KREMEN1: variants seen among roughly 807,000 people sequenced by gnomAD.
KREMEN1 encodes kremen protein 1.
A neutral mutation model predicts 46.5 loss-of-function variants in KREMEN1; 30 were observed. That is an observed-to-expected ratio of 0.65 (90% CI 0.48 to 0.88). The LOEUF is 0.88. KREMEN1 is among the 40% of genes least tolerant of loss of function. KREMEN1 has a pLI of 0.00. For synonymous variants in KREMEN1, 214 were observed against 230.6 expected, an observed-to-expected ratio of 0.93 and a Z score of 0.65; for missense variants, 533 against 596.9, an observed-to-expected ratio of 0.89 and a Z score of 1.11.
At position 29,142,285 on chromosome 22, in the gene KREMEN1, G is replaced by T. The variant is rs1221765100; in HGVS notation, c.*173G>T. 7.5e-7 allele frequency: 1 copy of T among 1,325,424 alleles called. No homozygotes were observed. The highest frequency in any genetic ancestry group is 9.6e-7 in the Non-Finnish European group (1 of 1,042,838). 82.1% of individuals were successfully genotyped at this position (1,325,424 alleles called of 1,614,324 possible). On this transcript the variant is annotated 3_prime_UTR_variant, in exon 9 of 9. Coordinates refer to ENST00000400335, the MANE Select transcript of KREMEN1 (RefSeq NM_001039570.3). The stretch of plus-strand genomic sequence containing the variant: ...GAAGAGGCACCCTGCTGCCAGGGCA[G>T]GCAGAGCCTGGATTCCTCCTGCTTC...
intron 9 of KREMEN1, among the ~76,000 whole-genome samples, chr22:29,159,041 A>G (rs1389554952): frequency 1.3e-5 from 2 of 151,804 alleles, no homozygotes; most frequent in Non-Finnish European, 2.9e-5. Context: ...GCTGGTCTCG[A>G]ACTCCTGACC....
intron 8 of KREMEN1, among the ~76,000 whole-genome samples, chr22:29,141,593 T>C (rs1444248179): frequency 6.6e-6 from 1 of 152,214 alleles, no homozygotes; most frequent in African/African-American, 2.4e-5. Flanking sequence ...TTGTTTTAGC[T>C]AGGTGGGCTT....
At chr22:29,123,990 G>A (rs1211924858) in intron 4 of KREMEN1, among the ~76,000 whole-genome samples, 1 of 151,988 alleles carries the variant, frequency 6.6e-6, no homozygotes, top group Non-Finnish European at 1.5e-5. Context: ...GATCTAGAAT[G>A]GTAGTCATTC....
intron 3 of KREMEN1, among the ~76,000 whole-genome samples, chr22:29,117,500 G>A (rs948295606): frequency 1.3e-5 from 2 of 151,774 alleles, no homozygotes; most frequent in Non-Finnish European, 2.9e-5. Flanking sequence ...CCGGGAGGCG[G>A]AGCTTGCAGT....
intron 3 of KREMEN1, among the ~76,000 whole-genome samples, chr22:29,101,635 C>T (rs1015175144): frequency 3.3e-5 from 5 of 152,332 alleles, no homozygotes; most frequent in Non-Finnish European, 7.4e-5. Flanking sequence ...AGTATTTGTA[C>T]TGTACCTTTT....
chr22:29,138,581 T>G, intron 6 of KREMEN1, 43 bp from the exon 7 acceptor site: 1 of 1,574,400 alleles, frequency 6.4e-7, no homozygotes, highest in Non-Finnish European at 8.7e-7. Flanking sequence ...CTCTTTGTTG[T>G]CTCCATAGCC....
At chr22:29,129,682 T>C (rs912054352) in intron 5 of KREMEN1, among the ~76,000 whole-genome samples, 2 of 152,180 alleles carry the variant, frequency 1.3e-5, no homozygotes, top group African/African-American at 4.8e-5. Context: ...GTACTCAGGC[T>C]GTGTTTGCTC....
intron 3 of KREMEN1, among the ~76,000 whole-genome samples, chr22:29,120,499 A>G (rs78485563): frequency 0.21 from 13,007 of 60,520 alleles, 3,162 homozygotes; most frequent in East Asian, 0.53. Flanking sequence ...GAGAGGTGAT[A>G]AAGGAAACGG....
rs201849592 is a variant in KREMEN1, at chr22:29,137,507, C to G, written c.797C>G (p.Ser266Trp). The G allele has an allele frequency of 6.2e-7, 1 of 1,611,650 alleles. No homozygotes were observed. The highest frequency in any genetic ancestry group is 1.1e-5 in the South Asian group (1 of 91,042). Residue 266 changes from serine to tryptophan, a missense_variant, in exon 6 of 9, where the codon TCG becomes TGG. Ser to Trp is a radical substitution (Grantham distance 177). Coordinates refer to ENST00000400335, the MANE Select transcript of KREMEN1 (RefSeq NM_001039570.3). ...TTCCCCCTATTTGACATCAGGGACTCGGCGGACATGGTGGAGCTTCTGGAT... is the reference window on the plus strand; with the variant it reads ...TTCCCCCTATTTGACATCAGGGACTGGGCGGACATGGTGGAGCTTCTGGAT... ...FSFPLFDIRD[S>W]ADMVELLDGY...
At chr22:29,100,141 G>T (rs2037952879) in intron 3 of KREMEN1, among the ~76,000 whole-genome samples, 2 of 147,944 alleles carry the variant, frequency 1.4e-5, no homozygotes, top group Non-Finnish European at 3.0e-5. Context: ...TCCCAGGCTG[G>T]AGTGCAGTGG....
intron 3 of KREMEN1, among the ~76,000 whole-genome samples, chr22:29,114,622 C>T (rs1387191961): frequency 6.6e-6 from 1 of 152,104 alleles, no homozygotes; most frequent in African/African-American, 2.4e-5. Flanking sequence ...CTGCCAGTAC[C>T]TTGACCTTAG....
At chr22:29,156,408 A>T (rs2038962159) in intron 9 of KREMEN1, among the ~76,000 whole-genome samples, 1 of 152,234 alleles carries the variant, frequency 6.6e-6, no homozygotes, top group South Asian at 2.1e-4. Flanking sequence ...TCTCCCTGAG[A>T]CAATGGGTGC....
rs183728338 is a variant in KREMEN1, at chr22:29,165,618, C to T, written c.1417-1426C>T. ...TCACAACAGGCTAGTAATAATTTTCCCCCTACTCAAAAGAGGGAATTTTGC... is the reference window on the plus strand; with the variant it reads ...TCACAACAGGCTAGTAATAATTTTCTCCCTACTCAAAAGAGGGAATTTTGC... On this transcript the variant is annotated intron_variant, in intron 9 of 9. Coordinates refer to the KREMEN1 transcript ENST00000327813. Among the ~76,000 whole-genome samples, 285 of 152,232 alleles carry T rather than the reference C, an allele frequency of 1.9e-3. 1 individual carries two copies. The highest frequency in any genetic ancestry group is 6.5e-3 in the African/African-American group (268 of 41,524).
At chr22:29,119,979 T>C (rs796074365) in intron 3 of KREMEN1, among the ~76,000 whole-genome samples, 3 of 141,526 alleles carry the variant, frequency 2.1e-5, no homozygotes, top group South Asian at 4.2e-4. Context: ...AGAAGACAGA[T>C]GTGACAATGG....
chr22:29,084,057 C>T (rs1244336682), intron 1 of KREMEN1, among the ~76,000 whole-genome samples: 4 of 151,814 alleles, frequency 2.6e-5, no homozygotes, highest in African/African-American at 7.3e-5. Flanking sequence ...GAGGGATCCT[C>T]TTTTTTTTAG....
At chr22:29,159,908 C>G (rs1470115693) in intron 9 of KREMEN1, among the ~76,000 whole-genome samples, 1 of 151,706 alleles carries the variant, frequency 6.6e-6, no homozygotes, top group East Asian at 2.0e-4. Flanking sequence ...TTAAGGAGAC[C>G]TGGACTTTTT....
chr22:29,099,832 GC>G (rs556586870), intron 3 of KREMEN1, among the ~76,000 whole-genome samples: 1,604 of 151,856 alleles, frequency 0.011, 11 homozygotes, highest in Non-Finnish European at 0.016. Flanking sequence ...ACAGGCGTGA[GC>G]CACCACACCC....
chr22:29,095,802 A>G (rs1393622571), intron 2 of KREMEN1, among the ~76,000 whole-genome samples: 1 of 152,062 alleles, frequency 6.6e-6, no homozygotes, highest in Non-Finnish European at 1.5e-5. Flanking sequence ...TCTATCTTGT[A>G]TCAACTGACC....
intron 3 of KREMEN1, among the ~76,000 whole-genome samples, chr22:29,111,264 A>G (rs2145792875): frequency 6.6e-6 from 1 of 151,074 alleles, no homozygotes; most frequent in East Asian, 2.0e-4. Flanking sequence ...GTATGATTGT[A>G]TCACTGCACT....
Sources: allele counts gnomAD v4.1 joint callset (sites outside exome capture counted in the v4.1 genomes callset), GRCh38; gene constraint gnomAD v4.1.1; transcripts MANE v1.5; gene names NCBI Gene and HGNC (gene_info 2026-07-23, HGNC 2026-07-21).